The following PCDH15 variants were observed in gnomAD, a reference collection of about 807,000 sequenced individuals.
PCDH15 encodes the protein protocadherin-15.
In PCDH15, 129 loss-of-function variants were observed where a neutral mutation model predicts 178.5. The observed-to-expected ratio is 0.72, with a 90% CI of 0.63 to 0.84. The LOEUF (loss-of-function observed/expected upper bound fraction) is 0.84, where lower values mean the gene tolerates loss of function less well. PCDH15 is among the 40% of genes least tolerant of loss of function. The pLI is 0.00. For synonymous variants in PCDH15, 800 were observed against 732.0 expected, an observed-to-expected ratio of 1.09 and a Z score of -1.50; for missense variants, 2,230 against 2,099.9, an observed-to-expected ratio of 1.06 and a Z score of -1.21.
chr10:54,258,712 T>G (rs2132244326), intron 8 of PCDH15, among the ~76,000 whole-genome samples: 1 of 152,284 alleles, frequency 6.6e-6, no homozygotes, highest in East Asian at 1.9e-4. Context: ...AGAAATACAA[T>G]AATAATATCC....
At chr10:54,815,722 A>G (rs1251395144) in intron 3 of PCDH15, among the ~76,000 whole-genome samples, 1 of 152,066 alleles carries the variant, frequency 6.6e-6, no homozygotes, top group East Asian at 1.9e-4. Context: ...ATTACAAGAA[A>G]AAGTGGAATT....
chr10:54,517,575 C>T (rs1020062375), intron 3 of PCDH15, among the ~76,000 whole-genome samples: 1 of 151,998 alleles, frequency 6.6e-6, no homozygotes, highest in African/African-American at 2.4e-5. Flanking sequence ...TCCTGAGTGA[C>T]CTACAAAGAG....
At chr10:54,478,500 T>C (rs1363862637) in intron 3 of PCDH15, among the ~76,000 whole-genome samples, 2 of 152,142 alleles carry the variant, frequency 1.3e-5, no homozygotes, top group Non-Finnish European at 2.9e-5. Context: ...GAATGCTCTA[T>C]CTCATTCCTT....
chr10:54,603,067 G>A (rs529557613), intron 2 of PCDH15, among the ~76,000 whole-genome samples: 1 of 152,126 alleles, frequency 6.6e-6, no homozygotes, highest in Non-Finnish European at 1.5e-5. Context: ...CTCCCACAAA[G>A]CCATGCAGTG....
At chr10:55,497,207 G>A (rs1461375763) in intron 2 of PCDH15, among the ~76,000 whole-genome samples, 3 of 151,832 alleles carry the variant, frequency 2.0e-5, no homozygotes, top group Non-Finnish European at 4.4e-5. Context: ...ATCACTGGCT[G>A]TAGCCCAGAC....
At chr10:55,295,876 C>G (rs1843119274) in intron 1 of PCDH15, among the ~76,000 whole-genome samples, 2 of 151,962 alleles carry the variant, frequency 1.3e-5, no homozygotes, top group South Asian at 4.2e-4. Flanking sequence ...CTCAGCCTCA[C>G]AACATTTCCC....
intron 1 of PCDH15, among the ~76,000 whole-genome samples, chr10:54,702,519 A>C (rs1190308919): frequency 6.8e-6 from 1 of 147,332 alleles, no homozygotes; most frequent in African/African-American, 2.5e-5. Flanking sequence ...CAAAGGGGAC[A>C]TTACTTCCAA....
intron 15 of PCDH15, among the ~76,000 whole-genome samples, chr10:54,112,035 C>T (rs1016789217): frequency 5.3e-5 from 8 of 150,540 alleles, no homozygotes; most frequent in Non-Finnish European, 1.0e-4. Context: ...CCCAGCTACT[C>T]GGGAGGCTGA....
intron 2 of PCDH15, among the ~76,000 whole-genome samples, chr10:55,157,592 T>C (rs1287483622): frequency 1.3e-5 from 2 of 151,342 alleles, no homozygotes. Flanking sequence ...TAAGAAAATG[T>C]GGCACATATA....
chr10:55,407,851 A>T (rs1307448275), intron 2 of PCDH15, among the ~76,000 whole-genome samples: 1 of 152,228 alleles, frequency 6.6e-6, no homozygotes, highest in Non-Finnish European at 1.5e-5. Flanking sequence ...ATAGTCTCTT[A>T]TCTTAAGCTA....
At position 53,835,171 on chromosome 10, in the gene PCDH15, T is replaced by C. The variant is rs183325410; in HGVS notation, c.3984-3638A>G. Among the ~76,000 whole-genome samples the C allele has an allele frequency of 1.4e-4, 22 of 152,296 alleles. No homozygotes were observed. In the East Asian group the frequency reaches 3.7e-3, roughly 25 times the overall value. ...TATGTATAGTTTTTTACTTAGAACA[T>C]TGAAAGAGGCTTTATCAGAGCCTGT... On this transcript the variant is annotated intron_variant, in intron 29 of 37. Transcript: ENST00000644397.
intron 3 of PCDH15, among the ~76,000 whole-genome samples, chr10:54,400,415 A>G (rs572187788): frequency 1.3e-5 from 2 of 152,178 alleles, no homozygotes; most frequent in South Asian, 4.1e-4. Flanking sequence ...TTTTCACTCT[A>G]CTAGCCCTAA....
intron 3 of PCDH15, among the ~76,000 whole-genome samples, chr10:54,521,192 C>T (rs140874800): frequency 0.02 from 3,016 of 152,024 alleles, 98 homozygotes; most frequent in African/African-American, 0.069. Flanking sequence ...TGCACATGTA[C>T]CCTAAAACTT....
At chr10:55,052,537 CAAAAA>C (rs71014444) in intron 2 of PCDH15, among the ~76,000 whole-genome samples, 1 of 39,362 alleles carries the variant, frequency 2.5e-5, no homozygotes, top group African/African-American at 8.8e-5. Flanking sequence ...CCGTCTCATA[CAAAAA>C]AAAAAAAAAA....
At chr10:55,376,693 T>G (rs1837401764) in intron 2 of PCDH15, among the ~76,000 whole-genome samples, 1 of 152,070 alleles carries the variant, frequency 6.6e-6, no homozygotes, top group Admixed American at 6.6e-5. Context: ...GCAAATTAGT[T>G]CAGGACTTTC....
intron 1 of PCDH15, among the ~76,000 whole-genome samples, chr10:55,313,924 A>G (rs549330507): frequency 6.6e-6 from 1 of 152,208 alleles, no homozygotes; most frequent in East Asian, 1.9e-4. Flanking sequence ...GGAGGTAGAC[A>G]GTGTAGGGGA....
rs1305839744 is a variant in PCDH15 at position 55,582,617 on chromosome 10, TA to T, written c.-156+45007del. 6.9e-3 allele frequency among the ~76,000 whole-genome samples: 683 copies of T among 98,974 alleles called. 17 individuals carry two copies. The highest frequency in any genetic ancestry group is 0.026 in the African/African-American group (548 of 21,198). The allele number at this position is 98,974 out of a possible 152,430, so 64.9% of individuals were successfully genotyped here. A position where few individuals can be genotyped will look rare whatever the true frequency, so the allele number is the denominator to read the frequency against. On this transcript the variant is annotated intron_variant, in intron 2 of 5. Coordinates refer to the PCDH15 transcript ENST00000613346. ...ATGTGTATATATATATATATATATA[TA>T]TATATATATATTTTTTTTTTTTTGC... is the stretch of plus-strand genomic sequence containing the variant.
At chr10:55,001,017 C>T (rs1396565007) in intron 2 of PCDH15, among the ~76,000 whole-genome samples, 2 of 152,182 alleles carry the variant, frequency 1.3e-5, no homozygotes, top group Non-Finnish European at 2.9e-5. Flanking sequence ...CTCACACACT[C>T]TTTGAGACGA....
chr10:54,102,428 C>T (rs2094829664), intron 15 of PCDH15, among the ~76,000 whole-genome samples: 1 of 152,182 alleles, frequency 6.6e-6, no homozygotes, highest in Non-Finnish European at 1.5e-5. Context: ...GAAACCACAT[C>T]TGGTACGGAA....
Sources: gnomAD v4.1 joint callset for allele counts (sites outside exome capture counted in the v4.1 genomes callset) on GRCh38, gnomAD v4.1.1 for gene constraint, MANE v1.5 for transcripts, NCBI Gene and HGNC (gene_info 2026-07-23, HGNC 2026-07-21) for gene names.